The following BAZ2B variants were observed in gnomAD, a reference collection of about 807,000 sequenced individuals.
BAZ2B encodes bromodomain adjacent to zinc finger domain 2B, also known as bromodomain adjacent to zinc finger domain protein 2B.
A neutral mutation model predicts 246.0 loss-of-function variants in BAZ2B; 91 were observed. The observed-to-expected ratio is 0.37, with a 90% CI of 0.31 to 0.44. BAZ2B has a LOEUF of 0.44. BAZ2B is among the 20% of genes least tolerant of loss of function. The probability of loss-of-function intolerance (pLI) is 1.00; values close to 1 mark genes in which losing one functional copy is unlikely to be tolerated. For synonymous variants in BAZ2B, 855 were observed against 860.0 expected (o/e 0.99, Z 0.10); for missense variants, 2,332 against 2,533.7 (o/e 0.92, Z 1.71).
intron 36 of BAZ2B, among the ~76,000 whole-genome samples, chr2:159,320,630 G>A (rs932535240): frequency 6.6e-6 from 1 of 152,046 alleles, no homozygotes; most frequent in African/African-American, 2.4e-5. Flanking sequence ...CAGGTTAAAT[G>A]AAAAAATAGG....
chr2:159,379,426 G>A (rs2061739957), intron 25 of BAZ2B, among the ~76,000 whole-genome samples: 1 of 152,082 alleles, frequency 6.6e-6, no homozygotes, highest in Admixed American at 6.6e-5. Context: ...ACAACCTCAT[G>A]CCCATAGTTA....
intron 1 of BAZ2B, among the ~76,000 whole-genome samples, chr2:159,596,400 T>C (rs1690719776): frequency 2.0e-5 from 3 of 152,160 alleles, no homozygotes; most frequent in Non-Finnish European, 4.4e-5. Flanking sequence ...GGCCCTAAAG[T>C]TTGTTCAAGA....
intron 2 of BAZ2B, among the ~76,000 whole-genome samples, chr2:159,548,223 C>T (rs764304549): frequency 2.0e-5 from 3 of 152,058 alleles, no homozygotes; most frequent in Non-Finnish European, 4.4e-5. Context: ...AATTTTAACA[C>T]CTTTAGATTT....
intron 3 of BAZ2B, chr2:159,463,603 T>A (rs1460790840): frequency 6.6e-6 from 1 of 152,310 alleles, no homozygotes; most frequent in East Asian, 1.9e-4. Context: ...CTCATTGTGA[T>A]TTTAATTTGC....
At chr2:159,630,102 T>A in the BAZ2B span, among the ~76,000 whole-genome samples, 1 of 152,202 alleles carries the variant, frequency 6.6e-6, no homozygotes, top group Admixed American at 6.5e-5. Flanking sequence ...AAAACCTGTA[T>A]TGTAGATGTG....
intron 6 of BAZ2B, among the ~76,000 whole-genome samples, chr2:159,442,326 A>G (rs140374486): frequency 1.3e-5 from 2 of 152,314 alleles, no homozygotes; most frequent in Non-Finnish European, 2.9e-5. Context: ...AAAGGTCAGC[A>G]GACCAGTTAG....
At chr2:159,355,292 G>C (rs1415608608) in intron 27 of BAZ2B, among the ~76,000 whole-genome samples, 1 of 152,112 alleles carries the variant, frequency 6.6e-6, no homozygotes, top group East Asian at 1.9e-4. Context: ...CCCATCTTCA[G>C]TTGACAGTGT....
At chr2:159,640,800 C>A in the BAZ2B span, among the ~76,000 whole-genome samples, 3 of 149,846 alleles carry the variant, frequency 2.0e-5, no homozygotes, top group Admixed American at 1.3e-4. Context: ...TGGAAAAGCT[C>A]AGCATCATAA....
rs2062681283 is a variant in BAZ2B, at chr2:159,386,585, A to G, written c.3239T>C (p.Ile1080Thr). The G allele has an allele frequency of 6.2e-7, 1 of 1,609,116 alleles. No individual in the cohort carries two copies. The highest frequency in any genetic ancestry group is 2.2e-5 in the East Asian group (1 of 44,788). Residue 1080 changes from isoleucine to threonine, a missense_variant, in exon 22 of 37, where the codon ATT becomes ACT. Physicochemically the swap from Ile to Thr is moderately conservative, Grantham distance 89. Coordinates refer to ENST00000392783, the MANE Select transcript of BAZ2B (RefSeq NM_013450.4). ...ACTTCCAGAGAGAACAAGTCCTGGAATACGAGGCAACTCTGGCAAAGGCTG... is the reference window on the plus strand; with the variant it reads ...ACTTCCAGAGAGAACAAGTCCTGGAGTACGAGGCAACTCTGGCAAAGGCTG... ...DQKPLPELPRIPGLVLSGSTF... is the reference protein window; with the variant it reads ...DQKPLPELPRTPGLVLSGSTF...
intron 2 of BAZ2B, among the ~76,000 whole-genome samples, chr2:159,509,894 C>A (rs936196090): frequency 1.3e-5 from 2 of 151,652 alleles, no homozygotes; most frequent in African/African-American, 4.9e-5. Context: ...TACATTTATA[C>A]ATACTAGTGT....
intron 6 of BAZ2B, among the ~76,000 whole-genome samples, chr2:159,441,221 A>T (rs1368509468): frequency 6.6e-6 from 1 of 152,196 alleles, no homozygotes; most frequent in Non-Finnish European, 1.5e-5. Context: ...GCAGAGAAAA[A>T]TTAACTCCTA....
chr2:159,606,411 CG>C (rs1553750816), intron 1 of BAZ2B, among the ~76,000 whole-genome samples: 2 of 152,162 alleles, frequency 1.3e-5, no homozygotes, highest in Non-Finnish European at 2.9e-5. Flanking sequence ...GACTTATACA[CG>C]GCTCCTGATT....
At chr2:159,436,620 G>A (rs1387017587) in intron 8 of BAZ2B, among the ~76,000 whole-genome samples, 9 of 152,034 alleles carry the variant, frequency 5.9e-5, no homozygotes, top group Non-Finnish European at 8.8e-5. Flanking sequence ...GCATGGTGGC[G>A]GGCGCCTGTA....
chr2:159,527,824 G>A (rs1327802720), intron 2 of BAZ2B, among the ~76,000 whole-genome samples: 1 of 152,162 alleles, frequency 6.6e-6, no homozygotes, highest in Non-Finnish European at 1.5e-5. Context: ...GTTTTGATAA[G>A]AGTTATACAT....
the BAZ2B span, among the ~76,000 whole-genome samples, chr2:159,624,700 T>C: frequency 1.3e-5 from 2 of 152,048 alleles, no homozygotes; most frequent in South Asian, 2.1e-4. Context: ...GCACCAAAGG[T>C]AGATAAATCC....
At position 159,471,525 on chromosome 2, in the gene BAZ2B, G is replaced by A. The variant is rs181871445; in HGVS notation, c.145+7050C>T. Among the ~76,000 whole-genome samples, 233 of 152,274 alleles carry A rather than the reference G, an allele frequency of 1.5e-3. 2 individuals carry two copies. Among genetic ancestry groups the A allele is most frequent in the African/African-American group, 5.4e-3 (225 of 41,532 alleles). ...GGATTGCCTGAGCCTCAAAGGTTGAGACTGCAGTGAGCTGTGATCACACCA... is the reference window on the plus strand; with the variant it reads ...GGATTGCCTGAGCCTCAAAGGTTGAAACTGCAGTGAGCTGTGATCACACCA... On this transcript the variant is annotated intron_variant, in intron 3 of 36. Transcript: ENST00000392783.
chr2:159,483,674 G>A (rs2079502342), intron 2 of BAZ2B, among the ~76,000 whole-genome samples: 2 of 151,996 alleles, frequency 1.3e-5, no homozygotes, highest in African/African-American at 4.8e-5. Context: ...CCAGCTACTC[G>A]GGAGGCTGAG....
At chr2:159,481,792 A>G (rs1202705324) in intron 2 of BAZ2B, among the ~76,000 whole-genome samples, 15 of 152,078 alleles carry the variant, frequency 9.9e-5, no homozygotes, top group African/African-American at 2.6e-4. Flanking sequence ...AAGAAAGAAA[A>G]AAAAAAAGAC....
the BAZ2B span, among the ~76,000 whole-genome samples, chr2:159,662,662 T>A: frequency 2.6e-5 from 4 of 152,102 alleles, no homozygotes; most frequent in East Asian, 5.8e-4. Flanking sequence ...GTAGCTGAGA[T>A]TACAGGTGCC....
Sources: gnomAD v4.1 joint callset for allele counts (sites outside exome capture counted in the v4.1 genomes callset) on GRCh38, gnomAD v4.1.1 for gene constraint, MANE v1.5 for transcripts, NCBI Gene and HGNC (gene_info 2026-07-23, HGNC 2026-07-21) for gene names.